The following PDE8B variants were observed in gnomAD, a reference collection of about 807,000 sequenced individuals.
PDE8B encodes phosphodiesterase 8B, also known as high affinity cAMP-specific and IBMX-insensitive 3',5'-cyclic phosphodiesterase 8B.
A neutral mutation model predicts 101.3 loss-of-function variants in PDE8B; 26 were observed. The observed-to-expected ratio is 0.26, with a 90% CI of 0.19 to 0.36. The LOEUF is 0.36. PDE8B is among the 10% of genes least tolerant of loss of function. The pLI is 1.00. For missense variants in PDE8B, 810 were observed against 1,163.1 expected (o/e 0.70, Z 4.42); for synonymous variants, 424 against 429.3 (o/e 0.99, Z 0.15).
At chr5:77,392,212 G>A (rs977551053) in intron 10 of PDE8B, among the ~76,000 whole-genome samples, 1 of 152,278 alleles carries the variant, frequency 6.6e-6, no homozygotes, top group East Asian at 1.9e-4. Context: ...CAGTGGTTCA[G>A]TCAAGCTGAA....
the PDE8B span, among the ~76,000 whole-genome samples, chr5:77,117,839 C>T: frequency 4.0e-3 from 607 of 152,114 alleles, 5 homozygotes; most frequent in Middle Eastern, 6.8e-3. Flanking sequence ...TTTTTTTCAA[C>T]CAATAGTTAC....
At chr5:77,280,293 CT>C (rs1764705986) in intron 1 of PDE8B, among the ~76,000 whole-genome samples, 1 of 152,188 alleles carries the variant, frequency 6.6e-6, no homozygotes, top group Non-Finnish European at 1.5e-5. Context: ...AAGCCCTCCC[CT>C]GGAAGGATTG....
chr5:77,238,767 G>A (rs1221258925), intron 1 of PDE8B, among the ~76,000 whole-genome samples: 1 of 152,240 alleles, frequency 6.6e-6, no homozygotes, highest in East Asian at 1.9e-4. Flanking sequence ...CAGAGTCAAT[G>A]TGTAAATTCT....
chr5:77,308,337 C>T (rs928028047), intron 1 of PDE8B, among the ~76,000 whole-genome samples: 1 of 152,146 alleles, frequency 6.6e-6, no homozygotes, highest in Non-Finnish European at 1.5e-5. Flanking sequence ...CTGAGGCACC[C>T]ACGCCGGTAG....
chr5:77,293,943 A>G (rs145612818), intron 1 of PDE8B, among the ~76,000 whole-genome samples: 44 of 152,328 alleles, frequency 2.9e-4, no homozygotes, highest in African/African-American at 9.9e-4. Context: ...TATGTTGGAT[A>G]TAAGTCCGGT....
the PDE8B span, among the ~76,000 whole-genome samples, chr5:77,121,836 A>G: frequency 6.6e-6 from 1 of 152,180 alleles, no homozygotes; most frequent in African/African-American, 2.4e-5. Context: ...AGGAACATCA[A>G]AGAAGTTGAG....
the PDE8B span, chr5:77,140,720 C>G: frequency 6.6e-6 from 1 of 152,244 alleles, no homozygotes; most frequent in Non-Finnish European, 1.5e-5. Context: ...AGAACCACAA[C>G]TGCTTTCCAA....
chr5:77,422,364 G>C (rs1218698715), intron 20 of PDE8B, among the ~76,000 whole-genome samples: 1 of 152,120 alleles, frequency 6.6e-6, no homozygotes, highest in African/African-American at 2.4e-5. Flanking sequence ...TCGCGGCCAC[G>C]GGGAGTTCCA....
chr5:77,273,475 C>T (rs1763188167), intron 1 of PDE8B, among the ~76,000 whole-genome samples: 1 of 152,192 alleles, frequency 6.6e-6, no homozygotes, highest in Non-Finnish European at 1.5e-5. Flanking sequence ...AGCAATCGCC[C>T]TTGTCCTTCA....
chr5:77,402,810 T>C (rs1157977620), intron 11 of PDE8B, among the ~76,000 whole-genome samples: 1 of 152,208 alleles, frequency 6.6e-6, no homozygotes, highest in Non-Finnish European at 1.5e-5. Flanking sequence ...ATTTCCAAGA[T>C]TACACAGCTG....
the PDE8B span, among the ~76,000 whole-genome samples, chr5:77,163,190 A>T: frequency 6.6e-6 from 1 of 152,214 alleles, no homozygotes; most frequent in East Asian, 1.9e-4. Flanking sequence ...AAATAAAATT[A>T]TGAAAACCTT....
At chr5:77,416,142 C>T (rs1795505843) in intron 17 of PDE8B, among the ~76,000 whole-genome samples, 2 of 152,176 alleles carry the variant, frequency 1.3e-5, no homozygotes, top group Admixed American at 6.5e-5. Context: ...TTGGTGCCCA[C>T]CTAAACTGCA....
chr5:77,167,874 A>T, the PDE8B span, among the ~76,000 whole-genome samples: 1 of 152,048 alleles, frequency 6.6e-6, no homozygotes, highest in East Asian at 1.9e-4. Flanking sequence ...TGAGGGAGAA[A>T]CACAGCCCCC....
At chr5:77,268,056 C>T (rs1428241838) in intron 1 of PDE8B, among the ~76,000 whole-genome samples, 1 of 151,444 alleles carries the variant, frequency 6.6e-6, no homozygotes, top group Non-Finnish European at 1.5e-5. Context: ...AAAAGAAAAC[C>T]AAACCTGATG....
At chr5:77,096,735 A>G in the PDE8B span, among the ~76,000 whole-genome samples, 1 of 152,192 alleles carries the variant, frequency 6.6e-6, no homozygotes, top group African/African-American at 2.4e-5. Context: ...CTCGGTTTGC[A>G]GTTGCATCCC....
rs1748114588 is a variant in PDE8B at position 77,210,842 on chromosome 5, C to G, written c.-84C>G. 9.6e-7 allele frequency: 1 copy of G among 1,045,672 alleles called. No homozygotes were observed. Among genetic ancestry groups the G allele is most frequent in the Non-Finnish European group, 1.1e-6 (1 of 870,726 alleles). The allele number at this position is 1,045,672 out of a possible 1,614,324, so 64.8% of individuals were successfully genotyped here. On this transcript the variant is annotated 5_prime_UTR_variant, in exon 1 of 22. Transcript: ENST00000264917. The surrounding 1 kb of genome is among the most constrained non-coding windows in gnomAD (Gnocchi z 4.9). ...CGCAGTCCGGGCGCCGCCGCGGCCG[C>G]CCCCTCACTGCAGGTGGCAGCGGGT... is the stretch of plus-strand genomic sequence containing the variant.
intron 20 of PDE8B, among the ~76,000 whole-genome samples, chr5:77,423,631 A>ATTT (rs1561699532): frequency 3.8e-5 from 1 of 26,622 alleles, no homozygotes; most frequent in Non-Finnish European, 8.1e-5. Flanking sequence ...TGTTTTGTTT[A>ATTT]GTTTTTTTTT....
chr5:77,426,656 T>C lies in PDE8B; in HGVS notation c.*102T>C. 1.4e-6 allele frequency: 1 copy of C among 728,116 alleles called. No homozygotes were observed. The highest frequency in any genetic ancestry group is 1.7e-5 in the African/African-American group (1 of 57,480). 45.1% of individuals were successfully genotyped at this position (728,116 alleles called of 1,614,324 possible). ...TTCTAATGACAATGACAGGTATTGGTGAAGGAGCTAATGTTTAATATTTGA... is the reference window on the plus strand; with the variant it reads ...TTCTAATGACAATGACAGGTATTGGCGAAGGAGCTAATGTTTAATATTTGA... On this transcript the variant is annotated 3_prime_UTR_variant, in exon 22 of 22. Transcript: ENST00000264917.
rs370345127 is a variant in PDE8B at position 77,401,356 on chromosome 5, A to C, written c.1210+1066A>C. ...ACTAACTTGGGAGCTTCTGGGTGCCACAAATTGTTCCAAGCATTTTTGTGT... is the reference window on the plus strand; with the variant it reads ...ACTAACTTGGGAGCTTCTGGGTGCCCCAAATTGTTCCAAGCATTTTTGTGT... On this transcript the variant is annotated intron_variant, in intron 11 of 21. Transcript: ENST00000264917. 2.6e-5 allele frequency among the ~76,000 whole-genome samples: 4 copies of C among 152,212 alleles called. No individual in the cohort carries two copies. In the East Asian group the frequency reaches 7.7e-4, roughly 29 times the overall value.
Sources: gnomAD v4.1 joint callset for allele counts (sites outside exome capture counted in the v4.1 genomes callset) on GRCh38, gnomAD v4.1.1 for gene constraint, Gnocchi (gnomAD v3.1) non-coding constraint, MANE v1.5 for transcripts, NCBI Gene and HGNC (gene_info 2026-07-23, HGNC 2026-07-21) for gene names.